CACNA2D2: variants seen among roughly 807,000 people sequenced by gnomAD.
CACNA2D2 encodes voltage-dependent calcium channel subunit alpha-2/delta-2.
Under a neutral mutation model 166.4 loss-of-function variants are expected in CACNA2D2, and 48 were observed. The ratio of observed to expected loss-of-function variants is 0.29; its 90% CI spans 0.23 to 0.37. The LOEUF is 0.37. Ranked by LOEUF, CACNA2D2 falls within the 10% of genes least tolerant of loss-of-function variation. The pLI is 1.00. For missense variants in CACNA2D2, 1,122 were observed against 1,433.0 expected (o/e 0.78, Z 3.50); for synonymous variants, 561 against 573.7 (o/e 0.98, Z 0.32).
Position 50,378,281 on chromosome 3 carries a change from C to T in CACNA2D2, c.1389+3G>A. On this transcript the variant is annotated splice_donor_region_variant and intron_variant, in intron 14 of 37. Coordinates refer to ENST00000424201, the MANE Select transcript of CACNA2D2 (RefSeq NM_006030.4). ...TGGGAGGAGGGGCCTCCCCAAGTCTCACCTGTGTGTTGATGCGGATGGCTC... is the reference window on the plus strand; with the variant it reads ...TGGGAGGAGGGGCCTCCCCAAGTCTTACCTGTGTGTTGATGCGGATGGCTC... 6.4e-7 allele frequency: 1 copy of T among 1,553,818 alleles called. No individual in the cohort carries two copies. Among genetic ancestry groups the T allele is most frequent in the Non-Finnish European group, 8.7e-7 (1 of 1,148,324 alleles).
At chr3:50,501,468 G>A (rs540332044) in intron 1 of CACNA2D2, among the ~76,000 whole-genome samples, 1 of 139,894 alleles carries the variant, frequency 7.1e-6, no homozygotes, top group Non-Finnish European at 1.5e-5. Context: ...CGACAACAGC[G>A]TCCAGCTGGA....
chr3:50,365,907 C>G lies in CACNA2D2; in HGVS notation c.2863-45G>C. ...GTGGACTGCCACTGCTGCCCCTCGC[C>G]CTAGGTCACCCCCAGCTTTATCAAA... On this transcript the variant is annotated intron_variant, in intron 32 of 37. Transcript: ENST00000424201. The surrounding 1 kb of genome is among the most constrained non-coding windows in gnomAD (Gnocchi z 4.5). 1 of 1,612,564 alleles carries G rather than the reference C, an allele frequency of 6.2e-7. No individual in the cohort carries two copies. Among genetic ancestry groups the G allele is most frequent in the Non-Finnish European group, 8.5e-7 (1 of 1,179,738 alleles).
In CACNA2D2 at chr3:50,367,285, C is replaced by A; in HGVS notation, c.2401+109G>T. 8.7e-7 allele frequency: 1 copy of A among 1,146,034 alleles called. No homozygotes were observed. The highest frequency in any genetic ancestry group is 1.3e-6 in the Non-Finnish European group (1 of 773,634). The allele number at this position is 1,146,034 out of a possible 1,614,324, so 71.0% of individuals were successfully genotyped here. ...TTTTCACGTCTGCCCTGGCCTCAGC[C>A]AGCCTTGTGTTGGAGAGGGGCCTCA... On this transcript the variant is annotated intron_variant, in intron 27 of 37. Transcript: ENST00000424201. This position sits in a 1 kb window ranked among gnomAD's most constrained non-coding sequence, Gnocchi z 6.5.
chr3:50,485,055 G>A (rs1451891781), intron 1 of CACNA2D2, among the ~76,000 whole-genome samples: 12 of 152,234 alleles, frequency 7.9e-5, no homozygotes, highest in Non-Finnish European at 1.6e-4. Context: ...TGTGGCTTCC[G>A]TGCATAATTC....
At chr3:50,468,121 G>C (rs2107045387) in intron 2 of CACNA2D2, among the ~76,000 whole-genome samples, 1 of 152,330 alleles carries the variant, frequency 6.6e-6, no homozygotes, top group Admixed American at 6.5e-5. Context: ...TGTCCCCAGG[G>C]GGCCGAGCAT....
rs1356518527 is a variant in CACNA2D2, at chr3:50,427,188, G to T, written c.405+7125C>A. Among the ~76,000 whole-genome samples, 13 of 152,116 alleles carry T rather than the reference G, an allele frequency of 8.5e-5. No homozygotes were observed. Among genetic ancestry groups the T allele is most frequent in the Admixed American group, 6.5e-5 (1 of 15,284 alleles). ...ATTCCTTGGTGGTCGCTCTGCCACC[G>T]CATGCTCCCTGGTTTCTCCTAGCGT... On this transcript the variant is annotated intron_variant, in intron 3 of 37. Transcript: ENST00000424201. The surrounding 1 kb of genome is among the most constrained non-coding windows in gnomAD (Gnocchi z 4.7).
chr3:50,365,760 C>T lies in CACNA2D2; in HGVS notation c.2915+50G>A, dbSNP rs1486539650. On this transcript the variant is annotated intron_variant, in intron 33 of 37. Coordinates refer to ENST00000424201, the MANE Select transcript of CACNA2D2 (RefSeq NM_006030.4). This position sits in a 1 kb window ranked among gnomAD's most constrained non-coding sequence, Gnocchi z 4.5. ...GCCATGCCCTACTTCTCTTCTGAGCCCTCCCGGCCAGGGAGCACCTTCTCT... is the reference window on the plus strand; with the variant it reads ...GCCATGCCCTACTTCTCTTCTGAGCTCTCCCGGCCAGGGAGCACCTTCTCT... The T allele has an allele frequency of 6.8e-6, 11 of 1,611,398 alleles. No homozygotes were observed. Among genetic ancestry groups the T allele is most frequent in the Non-Finnish European group, 9.3e-6 (11 of 1,179,062 alleles).
At chr3:50,503,113 G>C (rs922014725) in intron 1 of CACNA2D2, 105 bp downstream of exon 1, 1 of 612,140 alleles carries the variant, frequency 1.6e-6, no homozygotes, top group Admixed American at 5.1e-5. Flanking sequence ...GCCGGACCCA[G>C]CGCCTCTGCC....
At chr3:50,454,897 G>C (rs1330767012) in intron 2 of CACNA2D2, among the ~76,000 whole-genome samples, 1 of 152,170 alleles carries the variant, frequency 6.6e-6, no homozygotes, top group African/African-American at 2.4e-5. Flanking sequence ...AACACTGCCT[G>C]CTGCACTGGT....
chr3:50,438,025 G>C (rs2106907755), intron 2 of CACNA2D2, among the ~76,000 whole-genome samples: 1 of 152,386 alleles, frequency 6.6e-6, no homozygotes, highest in African/African-American at 2.4e-5. Flanking sequence ...CTCTGTGCCA[G>C]CAGTGATAGG....
At chr3:50,478,123 TTCCC>T (rs1697879953) in intron 1 of CACNA2D2, among the ~76,000 whole-genome samples, 1 of 151,794 alleles carries the variant, frequency 6.6e-6, no homozygotes, top group Admixed American at 6.6e-5. Context: ...CACAGCCGGA[TTCCC>T]TCCTCCGCTC....
chr3:50,490,598 G>A (rs937061081), intron 1 of CACNA2D2, among the ~76,000 whole-genome samples: 23 of 152,224 alleles, frequency 1.5e-4, no homozygotes, highest in African/African-American at 4.8e-4. Context: ...TCTGGCTCCA[G>A]CAAAGCCAGG....
At chr3:50,488,739 G>A (rs1235786697) in intron 1 of CACNA2D2, among the ~76,000 whole-genome samples, 1 of 151,332 alleles carries the variant, frequency 6.6e-6, no homozygotes, top group Non-Finnish European at 1.5e-5. Context: ...TCGCTCTGTT[G>A]CCCAGGCTGG....
Position 50,414,806 on chromosome 3 carries a change from G to T in CACNA2D2, c.405+19507C>A, listed in dbSNP as rs2282756. On this transcript the variant is annotated intron_variant, in intron 3 of 37. Transcript: ENST00000424201. ...TCCTCATTCAATTCACATTTAAATC[G>T]AAAACAACCCCTCCAAGTCTGCGCC... Among the ~76,000 whole-genome samples, 8 of 152,208 alleles carry T rather than the reference G, an allele frequency of 5.3e-5. No homozygotes were observed. The East Asian group carries it at 1.4e-3, about 26-fold the overall frequency.
At chr3:50,474,145 C>G (rs1026677605) in intron 2 of CACNA2D2, among the ~76,000 whole-genome samples, 1 of 152,164 alleles carries the variant, frequency 6.6e-6, no homozygotes, top group Non-Finnish European at 1.5e-5. Flanking sequence ...CCCAGCTCTG[C>G]TACAAGCCAG....
chr3:50,378,250 A>C, intron 14 of CACNA2D2, 34 bp downstream of exon 14: 2 of 1,555,192 alleles, frequency 1.3e-6, no homozygotes, highest in Non-Finnish European at 1.7e-6. Flanking sequence ...CAGGGAAGCC[A>C]GGGGCTGGGA....
chr3:50,476,701 G>A (rs563152109), intron 1 of CACNA2D2, among the ~76,000 whole-genome samples: 3 of 152,260 alleles, frequency 2.0e-5, no homozygotes, highest in East Asian at 3.9e-4. Flanking sequence ...TGCCCCTCTA[G>A]GTCTCACCTG....
intron 2 of CACNA2D2, among the ~76,000 whole-genome samples, chr3:50,446,169 G>A (rs1483026540): frequency 6.6e-6 from 1 of 152,226 alleles, no homozygotes; most frequent in Non-Finnish European, 1.5e-5. Context: ...GCTGTGCCTG[G>A]GCCCTGACTC....
At chr3:50,371,790 G>T (rs954165830) in intron 22 of CACNA2D2, among the ~76,000 whole-genome samples, 7 of 152,106 alleles carry the variant, frequency 4.6e-5, no homozygotes, top group African/African-American at 1.4e-4. Flanking sequence ...AAAAGAAAAA[G>T]GAGGGCGAAG....
Sources: allele counts gnomAD v4.1 joint callset (sites outside exome capture counted in the v4.1 genomes callset), GRCh38; gene constraint gnomAD v4.1.1; non-coding constraint Gnocchi (gnomAD v3.1); transcripts MANE v1.5; gene names NCBI Gene and HGNC (gene_info 2026-07-23, HGNC 2026-07-21).